FRMD8: variants seen among roughly 807,000 people sequenced by gnomAD.
FRMD8 encodes the protein FERM domain containing 8, also known as FERM domain-containing protein 8.
In FRMD8, 37 loss-of-function variants were observed where a neutral mutation model predicts 54.2. That is an observed-to-expected ratio of 0.68 (90% CI 0.53 to 0.90). FRMD8 has a LOEUF of 0.90. Among genes scored for constraint, FRMD8 ranks in the 40% least tolerant of loss-of-function variants. The pLI, the probability that FRMD8 is intolerant of heterozygous loss-of-function variation, is 0.00. For synonymous variants in FRMD8, 246 were observed against 286.9 expected (o/e 0.86, Z 1.44); for missense variants, 585 against 653.7 (o/e 0.89, Z 1.15).
the FRMD8 span, chr11:65,376,256 GC>G: frequency 1.0e-6 from 1 of 984,430 alleles, no homozygotes; most frequent in Non-Finnish European, 1.5e-6. Context: ...ACAGGTGTCT[GC>G]CCAGCCCAGA....
chr11:65,379,016 G>A, the FRMD8 span: 2 of 287,632 alleles, frequency 7.0e-6, no homozygotes, highest in Admixed American at 5.0e-5. Context: ...ACAGCTCTGC[G>A]GGGTGCTGGT....
At chr11:65,377,055 C>T in the FRMD8 span, 1 of 1,613,802 alleles carries the variant, frequency 6.2e-7, no homozygotes, top group Non-Finnish European at 8.5e-7. Flanking sequence ...TTGATGAGGT[C>T]AAAAGGAGCC....
intron 3 of FRMD8, among the ~76,000 whole-genome samples, chr11:65,392,468 G>A (rs1416091176): frequency 6.6e-6 from 1 of 152,220 alleles, no homozygotes; most frequent in Non-Finnish European, 1.5e-5. Context: ...ATACATCTCT[G>A]GATGAACTTG....
At chr11:65,381,560 C>CTTT in the FRMD8 span, 3,819 of 84,208 alleles carry the variant, frequency 0.045, 34 homozygotes, top group Non-Finnish European at 0.055. Context: ...TGCCCTGATT[C>CTTT]TTTTTTTTTT....
chr11:65,410,223 C>T (rs1260693955), intron 10 of FRMD8, among the ~76,000 whole-genome samples: 1 of 152,146 alleles, frequency 6.6e-6, no homozygotes, highest in Non-Finnish European at 1.5e-5. Flanking sequence ...ATTAGCCAGG[C>T]ACAGTGGCCC....
In FRMD8 at chr11:65,411,234, C is replaced by G; in HGVS notation, c.1277-8C>G. Reference sequence around the variant, plus strand: ...CTCTGCTCAGTGTGCCCTCCCATTCCCTCGCAGGCAAGGGGATCAGGCGAG... The same window carrying G: ...CTCTGCTCAGTGTGCCCTCCCATTCGCTCGCAGGCAAGGGGATCAGGCGAG... On this transcript the variant is annotated splice_polypyrimidine_tract_variant and splice_region_variant and intron_variant, in intron 10 of 10. Transcript: ENST00000317568. The G allele has an allele frequency of 6.2e-7, 1 of 1,602,690 alleles. No individual in the cohort carries two copies. The highest frequency in any genetic ancestry group is 8.5e-7 in the Non-Finnish European group (1 of 1,174,686).
chr11:65,408,547 C>G (rs1277183684), intron 10 of FRMD8, among the ~76,000 whole-genome samples: 1 of 151,796 alleles, frequency 6.6e-6, no homozygotes, highest in Non-Finnish European at 1.5e-5. Context: ...ACAGGAAAGT[C>G]CTTCCTTAGA....
chr11:65,401,525 GCTTC>G (rs1856081596), intron 9 of FRMD8, among the ~76,000 whole-genome samples: 2 of 149,726 alleles, frequency 1.3e-5, no homozygotes, highest in Non-Finnish European at 3.0e-5. Flanking sequence ...CACCTCTCCG[GCTTC>G]CTTTTGGTGC....
chr11:65,374,496 G>C, the FRMD8 span, among the ~76,000 whole-genome samples: 2 of 152,212 alleles, frequency 1.3e-5, no homozygotes, highest in African/African-American at 4.8e-5. Context: ...TCATAACACT[G>C]TGATTGTTTC....
chr11:65,373,630 A>G, the FRMD8 span, among the ~76,000 whole-genome samples: 1 of 152,086 alleles, frequency 6.6e-6, no homozygotes, highest in Non-Finnish European at 1.5e-5. Flanking sequence ...TCCATCACCC[A>G]CGCTGGAGTA....
At chr11:65,376,230 CT>C in the FRMD8 span, 360,821 of 755,314 alleles carry the variant, frequency 0.48, 95,797 homozygotes, top group Non-Finnish European at 0.55. Context: ...CACAGGCCCC[CT>C]GGCTTCCGGC....
intron 8 of FRMD8, 71 bp downstream of exon 8, chr11:65,399,930 CTGGGCCTGTG>C: frequency 6.5e-7 from 1 of 1,547,026 alleles, no homozygotes. Context: ...CCTGGTTCCT[CTGGGCCTGTG>C]GGGGCCTGGG....
At position 65,400,866 on chromosome 11, in the gene FRMD8, A is replaced by G. The variant is rs1208758524; in HGVS notation, c.1070A>G (p.Gln357Arg). The change falls in exon 9 of 11, where the codon CAG becomes CGG. Residue 357 changes from glutamine to arginine, a missense_variant and splice_region_variant. Gln to Arg is a conservative substitution (Grantham distance 43). Coordinates refer to ENST00000317568, the MANE Select transcript of FRMD8 (RefSeq NM_031904.5). This position sits in a 1 kb window ranked among gnomAD's most constrained non-coding sequence, Gnocchi z 4.3. Reference protein sequence around the residue: ...VNKLLKIYSKQAELMSSLIEY... With the variant: ...VNKLLKIYSKRAELMSSLIEY... ...AAGCTCCTCAAGATCTACTCCAAGC[A>G]GGTAGCGCGGGTGGTGCCTGCACAC... The G allele has an allele frequency of 6.2e-7, 1 of 1,601,944 alleles. No individual in the cohort carries two copies. The highest frequency in any genetic ancestry group is 8.5e-7 in the Non-Finnish European group (1 of 1,173,362).
At chr11:65,381,619 G>A in the FRMD8 span, 3 of 248,922 alleles carry the variant, frequency 1.2e-5, no homozygotes, top group East Asian at 2.5e-4. Flanking sequence ...CCAGGCTGGA[G>A]TGCAGTGGTG....
chr11:65,396,913 C>A lies in FRMD8; in HGVS notation c.696C>A (p.Asn232Lys), dbSNP rs763409317. ...GGCCGGGCGAGCAGGGCCTGCTGAACGCCTACCGCCAGGTGCAGGAGGTCA... is the reference window on the plus strand; with the variant it reads ...GGCCGGGCGAGCAGGGCCTGCTGAAAGCCTACCGCCAGGTGCAGGAGGTCA... ...RAGPGEQGLL[N>K]AYRQVQEVSS... Residue 232 changes from asparagine (N) to lysine (K), a missense_variant, in exon 7 of 11, where the codon AAC (asparagine) becomes AAA (lysine). Physicochemically the swap from Asn to Lys is moderately conservative, Grantham distance 94. Coordinates refer to ENST00000317568, the MANE Select transcript of FRMD8 (RefSeq NM_031904.5). 11 of 1,553,316 alleles carry A rather than the reference C, an allele frequency of 7.1e-6. No individual in the cohort carries two copies. The African/African-American group carries it at 1.4e-4, about 19-fold the overall frequency.
At chr11:65,370,964 T>C in the FRMD8 span, among the ~76,000 whole-genome samples, 1 of 152,122 alleles carries the variant, frequency 6.6e-6, no homozygotes, top group Admixed American at 6.6e-5. Flanking sequence ...TCTTTTGGCA[T>C]GGCGGGGGTG....
chr11:65,386,928 C>A (rs1057183334), intron 1 of FRMD8, 109 bp from the exon 2 acceptor site: 167 of 976,972 alleles, frequency 1.7e-4, no homozygotes, highest in Non-Finnish European at 1.7e-4. Context: ...GCCGCTCAAC[C>A]TTGCGGACCC....
At chr11:65,405,816 CAG>C (rs1856183516) in intron 10 of FRMD8, among the ~76,000 whole-genome samples, 1 of 152,024 alleles carries the variant, frequency 6.6e-6, no homozygotes, top group Admixed American at 6.6e-5. Context: ...GCCTGGACAA[CAG>C]AGTGAGACCC....
chr11:65,380,295 C>T, the FRMD8 span: 1 of 1,422,982 alleles, frequency 7.0e-7, no homozygotes, highest in Non-Finnish European at 9.8e-7. Context: ...ATCTCAGACA[C>T]ATGCAGCCAC....
Sources: gnomAD v4.1 joint callset for allele counts (sites outside exome capture counted in the v4.1 genomes callset) on GRCh38, gnomAD v4.1.1 for gene constraint, Gnocchi (gnomAD v3.1) non-coding constraint, MANE v1.5 for transcripts, NCBI Gene and HGNC (gene_info 2026-07-23, HGNC 2026-07-21) for gene names.